KCNC2: variants seen among roughly 807,000 people sequenced by gnomAD.
KCNC2 encodes the protein potassium voltage-gated channel subfamily C member 2.
In KCNC2, 21 loss-of-function variants were observed where a neutral mutation model predicts 44.5. The ratio of observed to expected loss-of-function variants is 0.47; its 90% confidence interval spans 0.33 to 0.68. The LOEUF (loss-of-function observed/expected upper bound fraction) is 0.68, where lower values mean the gene tolerates loss of function less well. KCNC2 is among the 30% of genes least tolerant of loss of function. The pLI, the probability that KCNC2 is intolerant of heterozygous loss-of-function variation, is 0.01. For missense variants in KCNC2, 589 were observed against 826.2 expected, an observed-to-expected ratio of 0.71 and a Z score of 3.52; for synonymous variants, 391 against 339.1, an observed-to-expected ratio of 1.15 and a Z score of -1.68.
At chr12:75,060,199 C>T (rs1882166617) in intron 2 of KCNC2, among the ~76,000 whole-genome samples, 1 of 151,984 alleles carries the variant, frequency 6.6e-6, no homozygotes, top group African/African-American at 2.4e-5. Flanking sequence ...AACTTGGTAC[C>T]AAGAATCCTT....
At chr12:75,063,452 A>C (rs557325540) in intron 2 of KCNC2, among the ~76,000 whole-genome samples, 10 of 152,212 alleles carry the variant, frequency 6.6e-5, no homozygotes, top group Non-Finnish European at 1.3e-4. Context: ...ATGCCAAATT[A>C]TTAGCCTTCC....
At chr12:75,063,181 T>C (rs1010839062) in intron 2 of KCNC2, among the ~76,000 whole-genome samples, 6 of 152,072 alleles carry the variant, frequency 3.9e-5, no homozygotes, top group Non-Finnish European at 5.9e-5. Flanking sequence ...ATTTTAGAGA[T>C]ACCAAGCAAA....
chr12:75,190,832 A>T (rs1365313981), intron 2 of KCNC2, among the ~76,000 whole-genome samples: 4 of 152,086 alleles, frequency 2.6e-5, no homozygotes, highest in African/African-American at 9.7e-5. Context: ...TGACCACAAA[A>T]GTAATTACAA....
intron 2 of KCNC2, among the ~76,000 whole-genome samples, chr12:75,086,360 G>A (rs1169151235): frequency 6.6e-6 from 1 of 151,944 alleles, no homozygotes; most frequent in African/African-American, 2.4e-5. Flanking sequence ...GTGCAGTTTT[G>A]GCTAAGGTGC....
chr12:75,093,323 A>C (rs1289136376), intron 2 of KCNC2, among the ~76,000 whole-genome samples: 1 of 151,588 alleles, frequency 6.6e-6, no homozygotes, highest in Non-Finnish European at 1.5e-5. Context: ...GATCAGTTTA[A>C]TTCCACAAAA....
chr12:75,161,200 A>G (rs1034920849), intron 2 of KCNC2, among the ~76,000 whole-genome samples: 1 of 151,758 alleles, frequency 6.6e-6, no homozygotes, highest in Non-Finnish European at 1.5e-5. Context: ...TCATGAAAGC[A>G]ATAATAATTA....
chr12:75,174,190 ATGTATTTTTTACACCG>A (rs1348511334), intron 2 of KCNC2, among the ~76,000 whole-genome samples: 2 of 151,332 alleles, frequency 1.3e-5, no homozygotes, highest in South Asian at 4.2e-4. Context: ...TTTTTATACC[ATGTATTTTTTACACCG>A]TGTATTTTTT....
chr12:75,206,278 T>G (rs1398424750), intron 2 of KCNC2, among the ~76,000 whole-genome samples: 1 of 152,236 alleles, frequency 6.6e-6, no homozygotes, highest in Non-Finnish European at 1.5e-5. Flanking sequence ...AAGATTTAAC[T>G]GAATACAGTA....
At chr12:75,158,230 A>T (rs1264227560) in intron 2 of KCNC2, among the ~76,000 whole-genome samples, 5 of 151,928 alleles carry the variant, frequency 3.3e-5, no homozygotes, top group Admixed American at 3.3e-4. Flanking sequence ...TAAAATCAGC[A>T]TCATTACTTC....
intron 2 of KCNC2, among the ~76,000 whole-genome samples, chr12:75,171,204 T>C (rs572534976): frequency 6.6e-6 from 1 of 151,938 alleles, no homozygotes; most frequent in Admixed American, 6.6e-5. Flanking sequence ...TAAACTCAAC[T>C]GATTAGGAGC....
At chr12:75,147,674 C>G (rs1165281013) in intron 2 of KCNC2, among the ~76,000 whole-genome samples, 3 of 152,056 alleles carry the variant, frequency 2.0e-5, no homozygotes, top group Non-Finnish European at 4.4e-5. Context: ...GAGCAAAGCA[C>G]AGACATGACA....
At chr12:75,060,290 CCTTCT>C (rs1386379989) in intron 2 of KCNC2, among the ~76,000 whole-genome samples, 1 of 151,950 alleles carries the variant, frequency 6.6e-6, no homozygotes, top group East Asian at 1.9e-4. Context: ...CATTTTTCTC[CCTTCT>C]CTTCATTCCC....
At chr12:75,062,310 T>C (rs994878489) in intron 2 of KCNC2, among the ~76,000 whole-genome samples, 2 of 152,124 alleles carry the variant, frequency 1.3e-5, no homozygotes, top group African/African-American at 4.8e-5. Flanking sequence ...GTTTTATGCA[T>C]ACACATGCAT....
intron 2 of KCNC2, among the ~76,000 whole-genome samples, chr12:75,144,109 A>G (rs377408023): frequency 1.2e-4 from 18 of 152,312 alleles, no homozygotes; most frequent in African/African-American, 4.3e-4. Flanking sequence ...AAAGCAGAAT[A>G]CCAGTTTTAT....
At position 75,207,201 on chromosome 12, in the gene KCNC2, C is replaced by G. The variant is rs2446318; in HGVS notation, c.687+96G>C. 0.012 allele frequency: 17,828 copies of G among 1,477,498 alleles called. 1,949 individuals are homozygous for G. In the African/African-American group the frequency reaches 0.23, roughly 19 times the overall value. 91.5% of individuals were successfully genotyped at this position (1,477,498 alleles called of 1,614,324 possible). On this transcript the variant is annotated intron_variant, in intron 2 of 4. Coordinates refer to ENST00000549446, the MANE Select transcript of KCNC2 (RefSeq NM_139137.4). This position sits in a 1 kb window ranked among gnomAD's most constrained non-coding sequence, Gnocchi z 4.1. ...AGGAAATCCCGGGTCTCTTCTACCC[C>G]CCATGCCTGAGGCCCTGGGGTGGAA...
At chr12:75,048,080 T>C in intron 4 of KCNC2, 73 bp downstream of exon 4, 2 of 1,350,880 alleles carry the variant, frequency 1.5e-6, no homozygotes, top group Non-Finnish European at 2.1e-6. Context: ...AATGAGCATT[T>C]TACATTACTC....
chr12:75,186,314 T>C (rs1278769858), intron 2 of KCNC2, among the ~76,000 whole-genome samples: 1 of 151,984 alleles, frequency 6.6e-6, no homozygotes, highest in African/African-American at 2.4e-5. Context: ...ATCAAAACAA[T>C]CGATTCATGG....
At chr12:75,072,518 C>G (rs893250137) in intron 2 of KCNC2, among the ~76,000 whole-genome samples, 1 of 151,734 alleles carries the variant, frequency 6.6e-6, no homozygotes, top group African/African-American at 2.4e-5. Context: ...CTTAATCTTT[C>G]TATGTAACTG....
At chr12:75,120,307 C>CTAG (rs1192209368) in intron 2 of KCNC2, among the ~76,000 whole-genome samples, 2 of 152,172 alleles carry the variant, frequency 1.3e-5, no homozygotes, top group Non-Finnish European at 2.9e-5. Context: ...GATTCCTGGG[C>CTAG]ATCTTGGCAT....
Sources: allele counts gnomAD v4.1 joint callset (sites outside exome capture counted in the v4.1 genomes callset), GRCh38; gene constraint gnomAD v4.1.1; non-coding constraint Gnocchi (gnomAD v3.1); transcripts MANE v1.5; gene names NCBI Gene and HGNC (gene_info 2026-07-23, HGNC 2026-07-21).